ROBO1: variants seen among roughly 807,000 people sequenced by gnomAD.
ROBO1 encodes roundabout homolog 1.
ROBO1 carries 149 observed loss-of-function variants against 195.9 expected under a neutral mutation model. The ratio of observed to expected loss-of-function variants is 0.76; its 90% CI spans 0.67 to 0.87. The LOEUF (loss-of-function observed/expected upper bound fraction) is 0.87, where lower values mean the gene tolerates loss of function less well. ROBO1 is among the 40% of genes least tolerant of loss of function. The pLI, the probability that ROBO1 is intolerant of heterozygous loss-of-function variation, is 0.00. For synonymous variants in ROBO1, 816 were observed against 733.2 expected (o/e 1.11, Z -1.82); for missense variants, 1,933 against 2,068.3 (o/e 0.93, Z 1.27).
At chr3:79,481,933 C>T (rs898661964) in intron 2 of ROBO1, among the ~76,000 whole-genome samples, 2 of 152,076 alleles carry the variant, frequency 1.3e-5, no homozygotes, top group African/African-American at 4.8e-5. Flanking sequence ...TAGATTATGA[C>T]TCTTAAGTGA....
intron 1 of ROBO1, among the ~76,000 whole-genome samples, chr3:79,731,552 C>A (rs561939681): frequency 6.6e-6 from 1 of 152,112 alleles, no homozygotes; most frequent in Non-Finnish European, 1.5e-5. Flanking sequence ...CCAAAACATC[C>A]TAGATGCTGT....
chr3:79,158,803 T>C (rs111427967), intron 2 of ROBO1, among the ~76,000 whole-genome samples: 20,452 of 151,856 alleles, frequency 0.13, 2,213 homozygotes, highest in African/African-American at 0.3. Flanking sequence ...TTAATATGGG[T>C]TTTTGTATTT....
At chr3:79,706,954 A>T (rs1340144651) in intron 1 of ROBO1, among the ~76,000 whole-genome samples, 1 of 151,862 alleles carries the variant, frequency 6.6e-6, no homozygotes, top group African/African-American at 2.4e-5. Context: ...AGAAATAATT[A>T]TTTGTAGGTT....
At chr3:79,288,165 A>G (rs1315751494) in intron 2 of ROBO1, among the ~76,000 whole-genome samples, 1 of 152,166 alleles carries the variant, frequency 6.6e-6, no homozygotes, top group East Asian at 1.9e-4. Context: ...ATAATAGGGT[A>G]AAAAACACCA....
At chr3:79,033,968 C>T (rs1050773320) in intron 3 of ROBO1, among the ~76,000 whole-genome samples, 17 of 152,070 alleles carry the variant, frequency 1.1e-4, no homozygotes, top group African/African-American at 3.6e-4. Context: ...TTCACTATGG[C>T]TTCCCTGCCA....
intron 1 of ROBO1, among the ~76,000 whole-genome samples, chr3:79,738,771 G>T (rs968354056): frequency 6.6e-6 from 1 of 152,192 alleles, no homozygotes; most frequent in East Asian, 1.9e-4. Context: ...TAGAATTTTT[G>T]TTCATATATT....
intron 17 of ROBO1, 100 bp downstream of exon 17, chr3:78,659,586 G>T: frequency 1.1e-6 from 1 of 878,114 alleles, no homozygotes; most frequent in Non-Finnish European, 1.5e-6. Context: ...ACCAGCAGAT[G>T]GCGCCAAATA....
chr3:78,715,259 A>T (rs1441799870), intron 7 of ROBO1: 1 of 152,216 alleles, frequency 6.6e-6, no homozygotes, highest in Non-Finnish European at 1.5e-5. Flanking sequence ...TAATGTATTA[A>T]ATAAAACTTT....
At chr3:79,564,083 A>G (rs1449715652) in intron 2 of ROBO1, among the ~76,000 whole-genome samples, 1 of 151,988 alleles carries the variant, frequency 6.6e-6, no homozygotes, top group Admixed American at 6.6e-5. Context: ...AAAGACTCCA[A>G]TTCCAAGATA....
chr3:78,823,245 AT>A (rs2031207921), intron 4 of ROBO1, among the ~76,000 whole-genome samples: 1 of 148,262 alleles, frequency 6.7e-6, no homozygotes, highest in Admixed American at 6.8e-5. Flanking sequence ...TCTTCATCAC[AT>A]TTTCCCATCG....
rs183885368 is a variant in ROBO1 at position 78,964,802 on chromosome 3, T to G, written c.173-25875A>C. On this transcript the variant is annotated intron_variant, in intron 3 of 30. Transcript: ENST00000464233. ...CTAAAAGAGGAAAGCAAGCTTAGGG[T>G]TTTTTTTTTGTTTTTTTTTTTTAAA... is the stretch of plus-strand genomic sequence containing the variant. Among the ~76,000 whole-genome samples the G allele has an allele frequency of 1.9e-3, 240 of 127,566 alleles. 1 individual carries two copies. In the East Asian group the frequency reaches 0.038, roughly 20 times the overall value. 83.7% of individuals were successfully genotyped at this position (127,566 alleles called of 152,430 possible).
At chr3:79,571,343 G>T (rs527681519) in intron 2 of ROBO1, among the ~76,000 whole-genome samples, 2 of 152,126 alleles carry the variant, frequency 1.3e-5, no homozygotes, top group Admixed American at 6.5e-5. Flanking sequence ...TAAGTTATAT[G>T]AGACTTGCTC....
intron 4 of ROBO1, among the ~76,000 whole-genome samples, chr3:78,747,402 A>G (rs1407183599): frequency 5.3e-5 from 8 of 152,116 alleles, no homozygotes; most frequent in African/African-American, 1.7e-4. Context: ...AAATTAATGT[A>G]TAAGGTTATA....
In ROBO1 at chr3:78,808,007, TA is replaced by T. The variant is rs2084603054; in HGVS notation, c.500-61108del. 2.0e-5 allele frequency among the ~76,000 whole-genome samples: 3 copies of T among 152,296 alleles called. 1 individual carries two copies. In the South Asian group the frequency reaches 6.2e-4, roughly 32 times the overall value. ...AATAAATAATGAAGCCCTCATGATGTAAAAACTGAAACTTGTCCATTTTTCA... is the reference window on the plus strand; with the variant it reads ...AATAAATAATGAAGCCCTCATGATGTAAAACTGAAACTTGTCCATTTTTCA... On this transcript the variant is annotated intron_variant, in intron 4 of 30. Coordinates refer to ENST00000464233, the MANE Select transcript of ROBO1 (RefSeq NM_002941.4).
chr3:79,599,433 G>A (rs1445374016), intron 1 of ROBO1, among the ~76,000 whole-genome samples: 1 of 151,994 alleles, frequency 6.6e-6, no homozygotes, highest in Non-Finnish European at 1.5e-5. Flanking sequence ...CAGTAAGACG[G>A]TTGTCAACTG....
intron 2 of ROBO1, among the ~76,000 whole-genome samples, chr3:79,367,085 T>C: frequency 6.6e-6 from 1 of 152,244 alleles, no homozygotes; most frequent in East Asian, 1.9e-4. Context: ...ACATTTCTTG[T>C]TAAACATCTA....
At chr3:78,763,011 A>C (rs1485465292) in intron 4 of ROBO1, among the ~76,000 whole-genome samples, 3 of 152,150 alleles carry the variant, frequency 2.0e-5, no homozygotes, top group Non-Finnish European at 4.4e-5. Context: ...ATGATGTGAC[A>C]CAAGAGACAA....
chr3:79,060,534 G>T (rs1234292117), intron 3 of ROBO1, among the ~76,000 whole-genome samples: 1 of 151,830 alleles, frequency 6.6e-6, no homozygotes, highest in Non-Finnish European at 1.5e-5. Context: ...TCTCAGACTG[G>T]TCGACACTTA....
At chr3:79,640,178 G>A (rs1415525550) in intron 1 of ROBO1, among the ~76,000 whole-genome samples, 1 of 151,994 alleles carries the variant, frequency 6.6e-6, no homozygotes, top group East Asian at 1.9e-4. Flanking sequence ...GGAGAAATTT[G>A]AGTTGAAGCT....
Sources: allele counts gnomAD v4.1 joint callset (sites outside exome capture counted in the v4.1 genomes callset), GRCh38; gene constraint gnomAD v4.1.1; transcripts MANE v1.5; gene names NCBI Gene and HGNC (gene_info 2026-07-23, HGNC 2026-07-21).